ARHGAP20: variants seen among roughly 807,000 people sequenced by gnomAD.
ARHGAP20 encodes the protein Rho GTPase activating protein 20, also known as rho GTPase-activating protein 20.
Under a neutral mutation model 73.7 loss-of-function variants are expected in ARHGAP20, and 34 were observed. The ratio of observed to expected loss-of-function variants is 0.46; its 90% CI spans 0.35 to 0.61. The LOEUF (loss-of-function observed/expected upper bound fraction) is 0.61. Among genes scored for constraint, ARHGAP20 ranks in the 20% least tolerant of loss-of-function variants. The pLI, the probability that ARHGAP20 is intolerant of heterozygous loss-of-function variation, is 0.00. For missense variants in ARHGAP20, 1,314 were observed against 1,420.9 expected, an observed-to-expected ratio of 0.92 and a Z score of 1.21; for synonymous variants, 523 against 518.2, an observed-to-expected ratio of 1.01 and a Z score of -0.13.
intron 9 of ARHGAP20, among the ~76,000 whole-genome samples, chr11:110,596,602 C>T (rs1389834546): frequency 2.0e-5 from 3 of 152,182 alleles, no homozygotes; most frequent in Non-Finnish European, 4.4e-5. Flanking sequence ...TACCATCTCA[C>T]ACCAGTTAGA....
At chr11:110,660,621 G>C (rs1949588231) in intron 2 of ARHGAP20, among the ~76,000 whole-genome samples, 1 of 152,094 alleles carries the variant, frequency 6.6e-6, no homozygotes, top group African/African-American at 2.4e-5. Context: ...GGTATTCCCA[G>C]AAGTACAATC....
intron 4 of ARHGAP20, among the ~76,000 whole-genome samples, chr11:110,619,860 C>T (rs1948591676): frequency 6.6e-6 from 1 of 152,054 alleles, no homozygotes; most frequent in Non-Finnish European, 1.5e-5. Context: ...AGAGATGAAA[C>T]TCCTTTTGGG....
chr11:110,596,851 T>C (rs1034390117), intron 9 of ARHGAP20, among the ~76,000 whole-genome samples: 4 of 152,172 alleles, frequency 2.6e-5, no homozygotes, highest in South Asian at 2.1e-4. Context: ...TGTATGTTTA[T>C]TGCGGCACTA....
intron 1 of ARHGAP20, chr11:110,691,100 G>A: frequency 2.2e-6 from 2 of 929,466 alleles, no homozygotes; most frequent in Non-Finnish European, 3.0e-6. Flanking sequence ...ACAGAGACTA[G>A]ATTTTTGCAT....
chr11:110,616,155 T>TAA (rs140694233), intron 4 of ARHGAP20, among the ~76,000 whole-genome samples: 47 of 149,444 alleles, frequency 3.1e-4, no homozygotes, highest in East Asian at 1.2e-3. Flanking sequence ...AAAGAAACAT[T>TAA]AAAAAAAAAA....
In ARHGAP20 at chr11:110,597,486, TTTATTA is replaced by T. The variant is rs1271179037; in HGVS notation, c.965-5337_965-5332del. 3.3e-5 allele frequency among the ~76,000 whole-genome samples: 5 copies of T among 152,142 alleles called. No individual in the cohort carries two copies. The South Asian group carries it at 1.0e-3, about 32-fold the overall frequency. ...TTTGCTCACATTTACTTGATTTTTA[TTTATTA>T]TTATTATTTTTTTAGAGATGAGGTC... On this transcript the variant is annotated intron_variant, in intron 9 of 14. Transcript: ENST00000683387.
intron 1 of ARHGAP20, among the ~76,000 whole-genome samples, chr11:110,697,640 G>T (rs1361107443): frequency 6.6e-6 from 1 of 151,368 alleles, no homozygotes; most frequent in East Asian, 1.9e-4. Context: ...TCTTCTGCAT[G>T]TGGCTAGCCA....
chr11:110,599,488 T>C (rs747013206), intron 9 of ARHGAP20, among the ~76,000 whole-genome samples: 7 of 152,194 alleles, frequency 4.6e-5, no homozygotes, highest in Non-Finnish European at 8.8e-5. Flanking sequence ...TTTGCACCTA[T>C]AGCCTGGGCG....
intron 6 of ARHGAP20, among the ~76,000 whole-genome samples, chr11:110,613,882 A>T (rs1948425670): frequency 6.6e-6 from 1 of 152,198 alleles, no homozygotes; most frequent in African/African-American, 2.4e-5. Context: ...ATGACAGTTA[A>T]TAGTATAAAA....
intron 1 of ARHGAP20, among the ~76,000 whole-genome samples, chr11:110,696,155 TTTGGGGAGACAGCAGAA>T (rs1950331680): frequency 6.6e-6 from 1 of 151,222 alleles, no homozygotes; most frequent in African/African-American, 2.4e-5. Context: ...TTGCCTAGAG[TTTGGGGAGACAGCAGAA>T]TTGGGAGATG....
chr11:110,604,766 T>C (rs11213499), intron 9 of ARHGAP20, among the ~76,000 whole-genome samples: 20,609 of 152,092 alleles, frequency 0.14, 2,050 homozygotes, highest in African/African-American at 0.28. Context: ...TTTGTGTATC[T>C]GATGTTGGTA....
chr11:110,630,470 T>G (rs1948836357), intron 3 of ARHGAP20, among the ~76,000 whole-genome samples, 158 bp downstream of exon 3: 1 of 146,442 alleles, frequency 6.8e-6, no homozygotes, highest in Non-Finnish European at 1.5e-5. Flanking sequence ...AAATGAACAA[T>G]CGATTTTTTT....
chr11:110,621,237 T>C (rs1948623132), intron 4 of ARHGAP20, among the ~76,000 whole-genome samples: 1 of 152,140 alleles, frequency 6.6e-6, no homozygotes, highest in Admixed American at 6.5e-5. Flanking sequence ...TGGTTGTTTA[T>C]AACATGACTA....
Position 110,687,035 on chromosome 11 carries a change from C to CATATATATATATATATATATATATAT in ARHGAP20, c.188+3511_188+3512insATATATATATATATATATATATATAT, listed in dbSNP as rs142490183. ...GCAGGAAATTAACTGAAGATTAAAACATATATATATATATATATATAGACA... is the reference window on the plus strand; with the variant it reads ...GCAGGAAATTAACTGAAGATTAAAACATATATATATATATATATATATATATATATATATATATATATATATAGACA... On this transcript the variant is annotated intron_variant, in intron 2 of 14. Coordinates refer to ENST00000683387, the MANE Select transcript of ARHGAP20 (RefSeq NM_001384657.1). 8.9e-3 allele frequency among the ~76,000 whole-genome samples: 1,084 copies of CATATATATATATATATATATATATAT among 121,210 alleles called. 12 individuals carry two copies. Among genetic ancestry groups the CATATATATATATATATATATATATAT allele is most frequent in the South Asian group, 0.015 (51 of 3,324 alleles). 79.5% of individuals were successfully genotyped at this position (121,210 alleles called of 152,430 possible).
At chr11:110,583,163 T>A (rs1269607773) in intron 13 of ARHGAP20, among the ~76,000 whole-genome samples, 1 of 152,218 alleles carries the variant, frequency 6.6e-6, no homozygotes, top group East Asian at 1.9e-4. Flanking sequence ...CGACTCCATT[T>A]TATTTTTAGA....
chr11:110,582,101 A>G (rs1947487800), intron 14 of ARHGAP20, among the ~76,000 whole-genome samples: 1 of 152,158 alleles, frequency 6.6e-6, no homozygotes, highest in Non-Finnish European at 1.5e-5. Context: ...GCTGGAACCT[A>G]ATCTCTATAT....
chr11:110,663,012 A>C (rs1243041941), intron 2 of ARHGAP20, among the ~76,000 whole-genome samples: 1 of 152,024 alleles, frequency 6.6e-6, no homozygotes, highest in African/African-American at 2.4e-5. Flanking sequence ...TAATGAAAAG[A>C]AAAACATACT....
At chr11:110,685,973 T>G (rs533069084) in intron 2 of ARHGAP20, among the ~76,000 whole-genome samples, 1 of 152,154 alleles carries the variant, frequency 6.6e-6, no homozygotes, top group East Asian at 1.9e-4. Context: ...TTGAACTAGC[T>G]GTGTTATCAT....
chr11:110,696,619 C>T (rs1950341155), intron 1 of ARHGAP20, among the ~76,000 whole-genome samples: 2 of 150,414 alleles, frequency 1.3e-5, no homozygotes, highest in Non-Finnish European at 3.0e-5. Context: ...ATGTTTGCTA[C>T]ATCGGTATAT....
Sources: gnomAD v4.1 joint callset for allele counts (sites outside exome capture counted in the v4.1 genomes callset) on GRCh38, gnomAD v4.1.1 for gene constraint, MANE v1.5 for transcripts, NCBI Gene and HGNC (gene_info 2026-07-23, HGNC 2026-07-21) for gene names.